The following WWOX variants were observed in gnomAD, a reference collection of about 807,000 sequenced individuals.
WWOX encodes WW domain containing oxidoreductase.
In WWOX, 69 loss-of-function variants were observed where a neutral mutation model predicts 46.2. That is an observed-to-expected ratio of 1.49 (90% CI 1.23 to 1.82). The LOEUF is 1.82. Ranked by LOEUF, WWOX falls within the 40% of genes most tolerant of loss-of-function variation. WWOX has a pLI of 0.00. For missense variants in WWOX, 919 were observed against 542.6 expected, an observed-to-expected ratio of 1.69 and a Z score of -6.89; for synonymous variants, 359 against 202.6, an observed-to-expected ratio of 1.77 and a Z score of -6.56.
At chr16:78,644,178 C>G (rs143699212) in intron 8 of WWOX, among the ~76,000 whole-genome samples, 3 of 152,110 alleles carry the variant, frequency 2.0e-5, no homozygotes, top group Admixed American at 6.5e-5. Flanking sequence ...GCTGAGATCA[C>G]GCCATTGCAC....
At chr16:78,558,559 T>C (rs1356328879) in intron 8 of WWOX, among the ~76,000 whole-genome samples, 1 of 152,210 alleles carries the variant, frequency 6.6e-6, no homozygotes, top group Non-Finnish European at 1.5e-5. Context: ...TCAGGCCTGC[T>C]TCACTCATTG....
chr16:78,486,790 T>G (rs1041401863), intron 8 of WWOX, among the ~76,000 whole-genome samples: 11 of 152,164 alleles, frequency 7.2e-5, no homozygotes, highest in African/African-American at 2.7e-4. Context: ...GCCAGGCTGG[T>G]CTTGAACTCC....
chr16:78,128,433 G>T (rs528524014), intron 4 of WWOX, among the ~76,000 whole-genome samples: 5 of 152,298 alleles, frequency 3.3e-5, no homozygotes, highest in South Asian at 2.1e-4. Context: ...ACTTCTGTGG[G>T]TTGCAGTTGT....
chr16:79,146,744 C>T (rs1039353914), intron 8 of WWOX, among the ~76,000 whole-genome samples: 7 of 152,062 alleles, frequency 4.6e-5, no homozygotes, highest in Non-Finnish European at 1.0e-4. Context: ...GTGTGGTCCT[C>T]GCCTTCAAGG....
chr16:78,194,725 C>G (rs192153376), intron 5 of WWOX, among the ~76,000 whole-genome samples: 1 of 152,132 alleles, frequency 6.6e-6, no homozygotes, highest in Non-Finnish European at 1.5e-5. Context: ...CCCCCAACCC[C>G]AAACCCCTAC....
chr16:78,995,020 T>C lies in WWOX; in HGVS notation c.1057-216588T>C, dbSNP rs1223723936. 2.1e-5 allele frequency among the ~76,000 whole-genome samples: 3 copies of C among 145,582 alleles called. 1 individual carries two copies. Among genetic ancestry groups the C allele is most frequent in the African/African-American group, 7.5e-5 (3 of 39,928 alleles). Reference sequence around the variant, plus strand: ...CCTCCCAGCCTCTCTCCTTTCCCATTATGCACAATGCGCTGAGAAAGGATT... The same window carrying C: ...CCTCCCAGCCTCTCTCCTTTCCCATCATGCACAATGCGCTGAGAAAGGATT... On this transcript the variant is annotated intron_variant, in intron 8 of 8. Transcript: ENST00000566780.
chr16:78,866,280 C>A (rs528043325), intron 8 of WWOX, among the ~76,000 whole-genome samples: 1 of 152,160 alleles, frequency 6.6e-6, no homozygotes, highest in African/African-American at 2.4e-5. Flanking sequence ...CCAGGATTTT[C>A]TTGGAGGGAG....
intron 5 of WWOX, among the ~76,000 whole-genome samples, chr16:78,200,804 G>A (rs1387730911): frequency 6.6e-6 from 1 of 152,108 alleles, no homozygotes; most frequent in African/African-American, 2.4e-5. Flanking sequence ...CACTTTGCAC[G>A]TGTGCATTCA....
At chr16:78,825,577 C>A in intron 8 of WWOX, 1 of 533,700 alleles carries the variant, frequency 1.9e-6, no homozygotes, top group South Asian at 1.4e-5. Flanking sequence ...GTGCCATTGC[C>A]CAGGTCGAGT....
At chr16:78,899,096 A>G (rs1238214627) in intron 8 of WWOX, 1 of 151,876 alleles carries the variant, frequency 6.6e-6, no homozygotes, top group East Asian at 1.9e-4. Context: ...TCTTGTTTTA[A>G]TGCACTGGCT....
intron 8 of WWOX, among the ~76,000 whole-genome samples, chr16:78,706,058 G>GT (rs3051058): frequency 0.37 from 39,590 of 105,930 alleles, 8,034 homozygotes; most frequent in Middle Eastern, 0.49. Flanking sequence ...GTTATGGCAG[G>GT]TTTTTTTTTT....
At chr16:78,622,592 T>G (rs2738568) in intron 8 of WWOX, among the ~76,000 whole-genome samples, 11 of 151,248 alleles carry the variant, frequency 7.3e-5, no homozygotes, top group Non-Finnish European at 1.5e-4. Flanking sequence ...GTTTGACAGA[T>G]GGACCCTAAG....
chr16:78,226,310 A>C (rs1437789981), intron 5 of WWOX, among the ~76,000 whole-genome samples: 1 of 152,266 alleles, frequency 6.6e-6, no homozygotes, highest in African/African-American at 2.4e-5. Flanking sequence ...TTGAATCTCC[A>C]TTAATCTTAC....
intron 8 of WWOX, among the ~76,000 whole-genome samples, chr16:78,507,475 TC>T (rs973587995): frequency 6.6e-6 from 1 of 152,220 alleles, no homozygotes; most frequent in African/African-American, 2.4e-5. Flanking sequence ...TTAGAATACT[TC>T]CACTCCGGTT....
intron 6 of WWOX, among the ~76,000 whole-genome samples, chr16:78,422,978 T>C (rs918181952): frequency 2.2e-4 from 34 of 151,394 alleles, no homozygotes; most frequent in African/African-American, 8.3e-4. Flanking sequence ...CTCTGCCTCC[T>C]GGGTTCAAGT....
At chr16:78,876,233 A>C (rs559926583) in intron 8 of WWOX, among the ~76,000 whole-genome samples, 1 of 151,802 alleles carries the variant, frequency 6.6e-6, no homozygotes, top group East Asian at 1.9e-4. Context: ...TTCTTCCGCC[A>C]GCTATCTTTA....
At chr16:78,794,130 A>G (rs1386652523) in intron 8 of WWOX, among the ~76,000 whole-genome samples, 3 of 152,256 alleles carry the variant, frequency 2.0e-5, no homozygotes, top group African/African-American at 2.4e-5. Flanking sequence ...CAGAGCCTGC[A>G]TAATTGCATG....
In WWOX at chr16:78,422,712, CACACACACATATATATAT is replaced by C. The variant is rs1447271882; in HGVS notation, c.606-2140_606-2123del. On this transcript the variant is annotated intron_variant, in intron 6 of 8. Coordinates refer to ENST00000566780, the MANE Select transcript of WWOX (RefSeq NM_016373.4). ...ACACACACACACACATATATATATACACACACACATATATATATACACACACATATATATACACATATA... is the reference window on the plus strand; with the variant it reads ...ACACACACACACACATATATATATACACACACACATATATATACACATATA... Among the ~76,000 whole-genome samples, 86 of 89,522 alleles carry C rather than the reference CACACACACATATATATAT, an allele frequency of 9.6e-4. 7 individuals carry two copies. Among genetic ancestry groups the C allele is most frequent in the African/African-American group, 3.5e-3 (84 of 23,732 alleles). 58.7% of individuals were successfully genotyped at this position (89,522 alleles called of 152,430 possible).
intron 8 of WWOX, among the ~76,000 whole-genome samples, chr16:78,794,472 C>T (rs1110558): frequency 0.88 from 134,492 of 152,236 alleles, 60,400 homozygotes; most frequent in Non-Finnish European, 0.97. Context: ...CAAATCCTTC[C>T]ATCTATGTGT....
Sources: allele counts gnomAD v4.1 joint callset (sites outside exome capture counted in the v4.1 genomes callset), GRCh38; gene constraint gnomAD v4.1.1; transcripts MANE v1.5; gene names NCBI Gene and HGNC (gene_info 2026-07-23, HGNC 2026-07-21).